CDC42SE2: variants seen among roughly 807,000 people sequenced by gnomAD.
CDC42SE2 encodes the protein CDC42 small effector 2, also known as CDC42 small effector protein 2.
In CDC42SE2, 3 loss-of-function variants were observed where a neutral mutation model predicts 11.5. The observed-to-expected ratio is 0.26, with a 90% confidence interval of 0.12 to 0.67. The LOEUF (loss-of-function observed/expected upper bound fraction) is 0.67, where lower values mean the gene tolerates loss of function less well. Among genes scored for constraint, CDC42SE2 ranks in the 30% least tolerant of loss-of-function variants. The probability of loss-of-function intolerance (pLI) is 0.80; values close to 1 mark genes in which losing one functional copy is unlikely to be tolerated. For missense variants in CDC42SE2, 82 were observed against 106.8 expected, an observed-to-expected ratio of 0.77 and a Z score of 1.02; for synonymous variants, 33 against 34.8, an observed-to-expected ratio of 0.95 and a Z score of 0.18.
At chr5:131,389,700 C>T (rs1006818634) in intron 4 of CDC42SE2, among the ~76,000 whole-genome samples, 6 of 152,176 alleles carry the variant, frequency 3.9e-5, no homozygotes, top group African/African-American at 1.4e-4. Flanking sequence ...ACAGTAGGTG[C>T]TCAGTAAGTA....
At chr5:131,283,639 C>G (rs934274165) in intron 1 of CDC42SE2, among the ~76,000 whole-genome samples, 1 of 151,158 alleles carries the variant, frequency 6.6e-6, no homozygotes, top group Non-Finnish European at 1.5e-5. Flanking sequence ...GATTGCAGGC[C>G]TGTGCCACCA....
intron 2 of CDC42SE2, among the ~76,000 whole-genome samples, chr5:131,318,089 C>A (rs1758088559): frequency 6.6e-6 from 1 of 151,978 alleles, no homozygotes; most frequent in African/African-American, 2.4e-5. Context: ...TACAGGTGTG[C>A]ACCACCATGC....
At chr5:131,228,085 T>C in the CDC42SE2 span, among the ~76,000 whole-genome samples, 11,450 of 152,220 alleles carry the variant, frequency 0.075, 911 homozygotes, top group African/African-American at 0.2. Context: ...TGTGCACCTG[T>C]AATCCCAGCT....
At chr5:131,311,529 G>A (rs1056394789) in intron 1 of CDC42SE2, among the ~76,000 whole-genome samples, 5 of 151,902 alleles carry the variant, frequency 3.3e-5, no homozygotes, top group Non-Finnish European at 7.4e-5. Flanking sequence ...ATAATATCCT[G>A]CAGAGTGTTT....
the CDC42SE2 span, among the ~76,000 whole-genome samples, chr5:131,215,917 A>G: frequency 6.6e-6 from 1 of 152,226 alleles, no homozygotes; most frequent in African/African-American, 2.4e-5. Context: ...GTTAATTAAG[A>G]TATATAAATT....
intron 3 of CDC42SE2, among the ~76,000 whole-genome samples, chr5:131,374,185 A>C (rs1229181703): frequency 6.6e-6 from 1 of 152,224 alleles, no homozygotes; most frequent in Non-Finnish European, 1.5e-5. Flanking sequence ...CTACTGAGTG[A>C]AATTTCAGAC....
intron 4 of CDC42SE2, among the ~76,000 whole-genome samples, chr5:131,388,964 G>T (rs1038564449): frequency 1.3e-5 from 2 of 152,032 alleles, no homozygotes; most frequent in African/African-American, 4.8e-5. Flanking sequence ...TCCCCCAGTA[G>T]CTGGGACTAC....
intron 3 of CDC42SE2, among the ~76,000 whole-genome samples, chr5:131,373,105 C>T (rs1311452401): frequency 6.6e-5 from 10 of 152,146 alleles, no homozygotes; most frequent in East Asian, 1.9e-4. Flanking sequence ...TTTGATTTGA[C>T]GTTAGTTACC....
upstream of CDC42SE2, among the ~76,000 whole-genome samples, chr5:131,261,876 G>C (rs1349655492): frequency 6.9e-6 from 1 of 144,170 alleles, no homozygotes; most frequent in African/African-American, 2.5e-5. Context: ...AAAAAAAAAA[G>C]TGTCATTCAA....
At chr5:131,295,618 GTAA>G (rs1757554897) in intron 1 of CDC42SE2, among the ~76,000 whole-genome samples, 2 of 151,906 alleles carry the variant, frequency 1.3e-5, no homozygotes, top group African/African-American at 4.8e-5. Flanking sequence ...GAATAAACTA[GTAA>G]TAATGTTTCT....
intron 1 of CDC42SE2, among the ~76,000 whole-genome samples, chr5:131,272,872 C>T (rs1435958125): frequency 7.2e-5 from 11 of 152,060 alleles, no homozygotes; most frequent in Admixed American, 7.2e-4. Context: ...TGGTAAATTC[C>T]CTAGTTCTCA....
intron 1 of CDC42SE2, among the ~76,000 whole-genome samples, chr5:131,284,366 T>C (rs148959040): frequency 1.4e-4 from 22 of 152,326 alleles, no homozygotes; most frequent in Non-Finnish European, 2.5e-4. Flanking sequence ...TTATTAGTAA[T>C]TCATTGTAAA....
chr5:131,243,997 A>C (rs1039354555), upstream of CDC42SE2, among the ~76,000 whole-genome samples: 1 of 152,234 alleles, frequency 6.6e-6, no homozygotes, highest in African/African-American at 2.4e-5. Flanking sequence ...TGAAAGCAAA[A>C]GAATGGAAAA....
rs1422842665 is a variant in CDC42SE2, at chr5:131,306,382, A to AAGAAAG, written c.-454-9594_-454-9593insAGAAAG. Reference sequence around the variant, plus strand: ...CTTTCTCTGTTTTGTGTTCTTGGTAACTTTGTTGAAAGCCAGTTGACCATA... The same window carrying AAGAAAG: ...CTTTCTCTGTTTTGTGTTCTTGGTAAAGAAAGCTTTGTTGAAAGCCAGTTGACCATA... On this transcript the variant is annotated intron_variant, in intron 1 of 4. Transcript: ENST00000505065. Among the ~76,000 whole-genome samples the AAGAAAG allele has an allele frequency of 4.4e-3, 671 of 152,186 alleles. 36 individuals carry two copies. The East Asian group carries it at 0.12, about 27-fold the overall frequency.
chr5:131,278,189 G>A (rs1161022901), intron 1 of CDC42SE2, among the ~76,000 whole-genome samples: 1 of 152,078 alleles, frequency 6.6e-6, no homozygotes. Context: ...TCTCCTTGTT[G>A]GCTAGGCTAG....
At chr5:131,342,388 C>CTTTTTTGTTTTTTTTTTTT (rs1758732267) in intron 2 of CDC42SE2, among the ~76,000 whole-genome samples, 1 of 111,334 alleles carries the variant, frequency 9.0e-6, no homozygotes, top group African/African-American at 4.4e-5. Context: ...TTTTAATAGT[C>CTTTTTTGTTTTTTTTTTTT]TTTTTTTTTT....
chr5:131,314,255 A>C (rs1229018179), intron 1 of CDC42SE2, among the ~76,000 whole-genome samples: 1 of 148,464 alleles, frequency 6.7e-6, no homozygotes, highest in East Asian at 2.0e-4. Context: ...TTTTGGAGAC[A>C]GGATCTGGCT....
At chr5:131,339,438 A>C (rs1233232313) in intron 2 of CDC42SE2, among the ~76,000 whole-genome samples, 1 of 152,080 alleles carries the variant, frequency 6.6e-6, no homozygotes, top group Non-Finnish European at 1.5e-5. Context: ...TATCTATTTA[A>C]AATGTCTAAA....
chr5:131,282,929 C>CTT (rs767091920), intron 1 of CDC42SE2, among the ~76,000 whole-genome samples: 1 of 127,242 alleles, frequency 7.9e-6, no homozygotes, highest in African/African-American at 2.9e-5. Context: ...GCACCTGGCC[C>CTT]TTTTTTTTTT....
Sources: gnomAD v4.1 joint callset for allele counts (sites outside exome capture counted in the v4.1 genomes callset) on GRCh38, gnomAD v4.1.1 for gene constraint, MANE v1.5 for transcripts, NCBI Gene and HGNC (gene_info 2026-07-23, HGNC 2026-07-21) for gene names.